Variants in CDC42BPG observed in about 807,000 individuals in gnomAD.
The protein encoded by CDC42BPG is CDC42 binding protein kinase gamma, also known as serine/threonine-protein kinase MRCK gamma.
CDC42BPG carries 157 observed loss-of-function variants against 192.2 expected under a neutral mutation model. That is an observed-to-expected ratio of 0.82 (90% CI 0.72 to 0.93). The LOEUF (loss-of-function observed/expected upper bound fraction) is 0.93, where lower values mean the gene tolerates loss of function less well. CDC42BPG is among the 40% of genes least tolerant of loss of function. The probability of loss-of-function intolerance (pLI) is 0.00; values close to 1 mark genes in which losing one functional copy is unlikely to be tolerated. For missense variants in CDC42BPG, 1,992 were observed against 2,122.1 expected (o/e 0.94, Z 1.20); for synonymous variants, 981 against 918.5 (o/e 1.07, Z -1.23).
chr11:64,841,727 C>T lies in CDC42BPG; in HGVS notation c.259G>A (p.Val87Met). Residue 87 changes from valine (V) to methionine (M), a missense_variant, in exon 3 of 37, where the codon GTG becomes ATG. Physicochemically the swap from Val to Met is conservative, Grantham distance 21. Coordinates refer to ENST00000342711, the MANE Select transcript of CDC42BPG (RefSeq NM_017525.3). ...IGRGAFGEVT[V>M]VRQRDTGQIF... ...TGCCCAGTGTCCCTCTGCCTCACCA[C>T]GGTGACCTAAGGCCACAGGGAGGAC... 2 of 1,613,964 alleles carry T rather than the reference C, an allele frequency of 1.2e-6. No individual in the cohort carries two copies. The highest frequency in any genetic ancestry group is 1.7e-6 in the Non-Finnish European group (2 of 1,179,990).
At chr11:64,840,738 T>G in intron 3 of CDC42BPG, 90 bp from the exon 4 acceptor site, 1 of 1,172,208 alleles carries the variant, frequency 8.5e-7, no homozygotes, top group South Asian at 1.3e-5. Context: ...AAAGATTCTG[T>G]GAGTCTGGGA....
At position 64,831,473 on chromosome 11, in the gene CDC42BPG, A is replaced by C. The variant is rs368412711; in HGVS notation, c.3304+32T>G. 1.1e-4 allele frequency: 169 copies of C among 1,582,852 alleles called. No homozygotes were observed. The African/African-American group carries it at 2.2e-3, about 20-fold the overall frequency. On this transcript the variant is annotated intron_variant, in intron 28 of 36. Transcript: ENST00000342711. ...GACACCAGCACTCCCGCAGGCCTGAACTGCTTCCTCCAGTCCCCTCCACCA... is the reference window on the plus strand; with the variant it reads ...GACACCAGCACTCCCGCAGGCCTGACCTGCTTCCTCCAGTCCCCTCCACCA...
At position 64,840,626 on chromosome 11, in the gene CDC42BPG, C is replaced by G. The variant is rs769722046; in HGVS notation, c.359G>C (p.Arg120Pro). The change falls in exon 4 of 37, where the codon CGG becomes CCG. Residue 120 changes from arginine (R) to proline (P), a missense_variant. Arg to Pro is a moderately radical substitution (Grantham distance 103). This residue lies in a region of CDC42BPG where 1,656 missense variants were observed against 1,844.3 expected (regional missense o/e 0.90). Coordinates refer to ENST00000342711, the MANE Select transcript of CDC42BPG (RefSeq NM_017525.3). ...RAETACFREE[R>P]DVLVKGDSRW... ...GCTGTCCCCTTTCACGAGCACATCC[C>G]GCTCCTCCCGGAAACAGGCTGTCTG... The G allele has an allele frequency of 6.2e-7, 1 of 1,613,764 alleles. No homozygotes were observed. Among genetic ancestry groups the G allele is most frequent in the Non-Finnish European group, 8.5e-7 (1 of 1,180,034 alleles).
chr11:64,832,197 C>T (rs1942726878), intron 27 of CDC42BPG, among the ~76,000 whole-genome samples: 1 of 152,228 alleles, frequency 6.6e-6, no homozygotes, highest in South Asian at 2.1e-4. Flanking sequence ...CCTGCAGGGT[C>T]AGAGCCTTGG....
At position 64,834,317 on chromosome 11, in the gene CDC42BPG, G is replaced by C; in HGVS notation, c.2362C>G (p.Gln788Glu). 6.3e-7 allele frequency: 1 copy of C among 1,577,876 alleles called. No individual in the cohort carries two copies. Among genetic ancestry groups the C allele is most frequent in the Non-Finnish European group, 8.6e-7 (1 of 1,166,188 alleles). ...QEAEKQSQAL[Q>E]QELAMLREEL... ...TCCCGCAGCATGGCGAGCTCCTGTT[G>C]CAGGGCCTGGCTCTGCTTCTCGGCC... The change falls in exon 20 of 37, where the codon CAA becomes GAA. Residue 788 changes from glutamine (Q) to glutamate (E), a missense_variant. Physicochemically the swap from Gln to Glu is conservative, Grantham distance 29 (BLOSUM62 2). Around this residue, in one of 2 missense-constraint regions of CDC42BPG, gnomAD observed 1,656 missense variants for 1,844.3 expected, o/e 0.90. Transcript: ENST00000342711.
chr11:64,828,457 G>A (rs1359992757), intron 30 of CDC42BPG, among the ~76,000 whole-genome samples: 1 of 152,236 alleles, frequency 6.6e-6, no homozygotes, highest in African/African-American at 2.4e-5. Context: ...ACACAGGTCT[G>A]GACGGAGAGA....
chr11:64,840,413 C>A, intron 4 of CDC42BPG, 140 bp downstream of exon 4: 1 of 1,393,222 alleles, frequency 7.2e-7, no homozygotes, highest in Middle Eastern at 1.9e-4. Flanking sequence ...AGGCAGGAGG[C>A]GCCAAGCCCA....
At position 64,834,317 on chromosome 11, in the gene CDC42BPG, G is replaced by A; in HGVS notation, c.2362C>T (p.Gln788Ter). 1 of 1,577,878 alleles carries A rather than the reference G, an allele frequency of 6.3e-7. No homozygotes were observed. The highest frequency in any genetic ancestry group is 2.3e-5 in the East Asian group (1 of 42,610). ...QEAEKQSQAL[Q>*]QELAMLREEL... ...TCCCGCAGCATGGCGAGCTCCTGTT[G>A]CAGGGCCTGGCTCTGCTTCTCGGCC... Residue 788 changes from glutamine to a stop codon, truncating the protein, a stop_gained, in exon 20 of 37, where the codon CAA becomes TAA. Transcript: ENST00000342711. LOFTEE classifies it high-confidence loss of function.
chr11:64,835,220 G>T, intron 16 of CDC42BPG, 67 bp from the exon 17 acceptor site: 3 of 1,602,088 alleles, frequency 1.9e-6, no homozygotes, highest in South Asian at 1.1e-5. Flanking sequence ...TCTCCCTGTA[G>T]GTACCCCAGC....
In CDC42BPG at chr11:64,823,222, G is replaced by A. The variant is rs1444062840; in HGVS notation, c.*1251C>T. On this transcript the variant is annotated 3_prime_UTR_variant, in exon 37 of 37. Coordinates refer to ENST00000342711, the MANE Select transcript of CDC42BPG (RefSeq NM_017525.3). ...CTGCCTCAGCCTCCCGAGTAGCAGG[G>A]ACTACAGGCACCCGTCACCACGCCC... Among the ~76,000 whole-genome samples the A allele has an allele frequency of 6.6e-6, 1 of 151,930 alleles. No homozygotes were observed. Among genetic ancestry groups the A allele is most frequent in the African/African-American group, 2.4e-5 (1 of 41,350 alleles).
chr11:64,830,949 G>A (rs941990708), intron 28 of CDC42BPG, among the ~76,000 whole-genome samples: 2 of 152,228 alleles, frequency 1.3e-5, no homozygotes, highest in Non-Finnish European at 2.9e-5. Context: ...TGGGCACGGT[G>A]GCCCATGCCT....
At chr11:64,842,750 T>C (rs1321846614) in intron 1 of CDC42BPG, among the ~76,000 whole-genome samples, 2 of 152,190 alleles carry the variant, frequency 1.3e-5, no homozygotes, top group Non-Finnish European at 2.9e-5. Context: ...CAGGCCTGGA[T>C]TAGCCCCAGG....
intron 8 of CDC42BPG, 93 bp from the exon 9 acceptor site, chr11:64,838,255 C>A: frequency 3.2e-6 from 3 of 944,838 alleles, no homozygotes; most frequent in Non-Finnish European, 4.8e-6. Context: ...GCGACCACCT[C>A]CTGCACAGGT....
At chr11:64,833,900 A>G (rs1354106695) in intron 21 of CDC42BPG, 25 bp downstream of exon 21, 7 of 1,614,172 alleles carry the variant, frequency 4.3e-6, no homozygotes, top group South Asian at 2.2e-5. Flanking sequence ...CTTCTCCCCA[A>G]CAAGCCCCTT....
chr11:64,841,535 C>A, intron 3 of CDC42BPG, 115 bp downstream of exon 3: 1 of 786,260 alleles, frequency 1.3e-6, no homozygotes, highest in Non-Finnish European at 2.2e-6. Context: ...AGGGTGGCAC[C>A]CTTTGCCTGG....
chr11:64,826,067 G>GGTGACAGAGTGAGACTCCGTCTGGAA (rs376019863), intron 36 of CDC42BPG, among the ~76,000 whole-genome samples: 1 of 134,006 alleles, frequency 7.5e-6, no homozygotes, highest in Admixed American at 7.6e-5. Context: ...ACTCCATCTG[G>GGTGACAGAGTGAGACTCCGTCTGGAA]AAAAAAAAAA....
intron 4 of CDC42BPG, 47 bp from the exon 5 acceptor site, chr11:64,840,315 GC>G: frequency 6.3e-7 from 1 of 1,595,870 alleles, no homozygotes; most frequent in Non-Finnish European, 8.5e-7. Flanking sequence ...GGTGCACCTG[GC>G]CACTTCACCG....
At chr11:64,832,556 C>T (rs769488486) in intron 26 of CDC42BPG, 47 bp from the exon 27 acceptor site, 4 of 1,613,724 alleles carry the variant, frequency 2.5e-6, no homozygotes, top group East Asian at 2.2e-5. Context: ...TCCCTGACTG[C>T]CCCCCTTACC....
rs1031039792 is a variant in CDC42BPG, at chr11:64,827,262, C to G, written c.4271+16G>C. The G allele has an allele frequency of 7.4e-6, 12 of 1,613,260 alleles. No homozygotes were observed. The African/African-American group carries it at 1.5e-4, about 20-fold the overall frequency. The stretch of plus-strand genomic sequence containing the variant: ...CGGCCCCACCCAGCCTCAGCCCCCG[C>G]GTCGTGCACGCGCACCTGCGCTGCT... On this transcript the variant is annotated intron_variant, in intron 33 of 36. Coordinates refer to ENST00000342711, the MANE Select transcript of CDC42BPG (RefSeq NM_017525.3).
Sources: allele counts gnomAD v4.1 joint callset (sites outside exome capture counted in the v4.1 genomes callset), GRCh38; gene constraint gnomAD v4.1.1; regional missense constraint gnomAD v4.1.1; transcripts MANE v1.5; gene names NCBI Gene and HGNC (gene_info 2026-07-23, HGNC 2026-07-21).